ARNT2: variants seen among roughly 807,000 people sequenced by gnomAD.
The protein encoded by ARNT2 is ARNT protein 2.
In ARNT2, 36 loss-of-function variants were observed where a neutral mutation model predicts 91.7. The observed-to-expected ratio is 0.39, with a 90% CI of 0.30 to 0.52. The LOEUF (loss-of-function observed/expected upper bound fraction) is 0.52. Ranked by LOEUF, ARNT2 falls within the 20% of genes least tolerant of loss-of-function variation. The pLI, the probability that ARNT2 is intolerant of heterozygous loss-of-function variation, is 0.72. For synonymous variants in ARNT2, 365 were observed against 347.1 expected, an observed-to-expected ratio of 1.05 and a Z score of -0.57; for missense variants, 775 against 939.3, an observed-to-expected ratio of 0.83 and a Z score of 2.29.
chr15:80,590,420 G>A (rs1183558637), intron 17 of ARNT2, among the ~76,000 whole-genome samples: 1 of 152,076 alleles, frequency 6.6e-6, no homozygotes, highest in Admixed American at 6.5e-5. Flanking sequence ...ATCCTCTTTG[G>A]TTGAATCTCA....
chr15:80,520,697 G>T (rs530203035), intron 8 of ARNT2, among the ~76,000 whole-genome samples: 1 of 152,214 alleles, frequency 6.6e-6, no homozygotes, highest in East Asian at 1.9e-4. Flanking sequence ...TTACCAAATT[G>T]GATATGTTAA....
intron 13 of ARNT2, among the ~76,000 whole-genome samples, chr15:80,574,728 C>T (rs1010063501): frequency 6.6e-6 from 1 of 152,196 alleles, no homozygotes; most frequent in African/African-American, 2.4e-5. Flanking sequence ...GTTCATTTCT[C>T]ACTCTCTCTA....
chr15:80,575,396 T>A (rs979120942), intron 14 of ARNT2, among the ~76,000 whole-genome samples: 9 of 152,142 alleles, frequency 5.9e-5, no homozygotes, highest in African/African-American at 1.9e-4. Flanking sequence ...GGTAGAAATT[T>A]GAAGATTCTG....
intron 15 of ARNT2, chr15:80,579,957 C>G (rs1425100816): frequency 6.3e-6 from 1 of 157,542 alleles, no homozygotes; most frequent in Non-Finnish European, 1.4e-5. Flanking sequence ...AACTGACAGC[C>G]TGCAACCTAT....
intron 1 of ARNT2, among the ~76,000 whole-genome samples, chr15:80,407,874 T>A (rs984008040): frequency 6.6e-6 from 1 of 152,212 alleles, no homozygotes; most frequent in Non-Finnish European, 1.5e-5. Flanking sequence ...ATGTCATTGT[T>A]CCATCTTAAT....
chr15:80,476,119 G>T (rs886553122), intron 5 of ARNT2, among the ~76,000 whole-genome samples: 2 of 152,358 alleles, frequency 1.3e-5, no homozygotes, highest in Non-Finnish European at 2.9e-5. Flanking sequence ...ACATATGGCA[G>T]TTGAGTTTGA....
intron 13 of ARNT2, 122 bp from the exon 14 acceptor site, chr15:80,574,865 C>T: frequency 2.4e-6 from 3 of 1,273,026 alleles, no homozygotes; most frequent in Non-Finnish European, 3.2e-6. Context: ...ATGTTCCAGC[C>T]CAAAATGCCA....
At chr15:80,461,554 G>A (rs1460172728) in intron 3 of ARNT2, among the ~76,000 whole-genome samples, 2 of 152,178 alleles carry the variant, frequency 1.3e-5, no homozygotes, top group African/African-American at 4.8e-5. Flanking sequence ...CCATGGGAGA[G>A]GCTGGCCGAG....
At chr15:80,446,852 C>CCTCTGT (rs2141377969) in intron 1 of ARNT2, among the ~76,000 whole-genome samples, 1 of 152,306 alleles carries the variant, frequency 6.6e-6, no homozygotes, top group African/African-American at 2.4e-5. Context: ...GCTTCCCCTT[C>CCTCTGT]CTCTGTCTCT....
intron 2 of ARNT2, 86 bp from the exon 3 acceptor site, chr15:80,457,842 TA>T: frequency 6.9e-7 from 1 of 1,439,334 alleles, no homozygotes; most frequent in Non-Finnish European, 9.7e-7. Flanking sequence ...TCCTAGTGAA[TA>T]AAGCTCCTTT....
intron 6 of ARNT2, among the ~76,000 whole-genome samples, chr15:80,508,743 G>T (rs1231992910): frequency 6.6e-6 from 1 of 152,206 alleles, no homozygotes; most frequent in African/African-American, 2.4e-5. Context: ...TGAGGATGAA[G>T]GCTTTGATTG....
intron 8 of ARNT2, among the ~76,000 whole-genome samples, chr15:80,548,981 A>G (rs1460044460): frequency 6.6e-6 from 1 of 152,178 alleles, no homozygotes; most frequent in Non-Finnish European, 1.5e-5. Context: ...TAGTCCTACC[A>G]GACATTAAAA....
chr15:80,427,974 C>T (rs531830883), intron 1 of ARNT2, among the ~76,000 whole-genome samples: 17 of 152,348 alleles, frequency 1.1e-4, no homozygotes, highest in African/African-American at 1.4e-4. Flanking sequence ...TCTTCTCCAG[C>T]GTTCACTGTC....
At chr15:80,449,299 C>T (rs372460305) in intron 1 of ARNT2, among the ~76,000 whole-genome samples, 2 of 152,194 alleles carry the variant, frequency 1.3e-5, no homozygotes, top group African/African-American at 4.8e-5. Context: ...TAGTGACTTT[C>T]ATTGTCATCT....
intron 5 of ARNT2, among the ~76,000 whole-genome samples, chr15:80,490,317 A>T (rs934849478): frequency 6.6e-6 from 1 of 151,978 alleles, no homozygotes. Context: ...GCAGGCCTTG[A>T]GGGGTGGGTG....
At chr15:80,467,738 C>T (rs745971679) in intron 3 of ARNT2, among the ~76,000 whole-genome samples, 24 of 152,244 alleles carry the variant, frequency 1.6e-4, no homozygotes, top group African/African-American at 2.9e-4. Context: ...TGTAGGCTGG[C>T]GAGGCGGGGG....
chr15:80,593,576 GCT>G, intron 18 of ARNT2, 22 bp from the exon 19 acceptor site: 1 of 1,552,644 alleles, frequency 6.4e-7, no homozygotes. Flanking sequence ...CTCCCCTGTG[GCT>G]CTCTTTTCCT....
At chr15:80,516,947 A>G (rs932345034) in intron 8 of ARNT2, among the ~76,000 whole-genome samples, 6 of 148,394 alleles carry the variant, frequency 4.0e-5, no homozygotes, top group African/African-American at 1.2e-4. Context: ...TTCTTATACT[A>G]TTGCTCTCAT....
intron 16 of ARNT2, 24 bp downstream of exon 16, chr15:80,580,573 TC>T: frequency 6.2e-7 from 1 of 1,613,242 alleles, no homozygotes; most frequent in South Asian, 1.1e-5. Flanking sequence ...TGAGGGCATC[TC>T]CCCTGGGTGA....
Sources: allele counts gnomAD v4.1 joint callset (sites outside exome capture counted in the v4.1 genomes callset), GRCh38; gene constraint gnomAD v4.1.1; transcripts MANE v1.5; gene names NCBI Gene and HGNC (gene_info 2026-07-23, HGNC 2026-07-21).